Variants in ATP6V1C2 observed in about 807,000 individuals in gnomAD.
ATP6V1C2 encodes V-type proton ATPase subunit C 2.
A neutral mutation model predicts 56.8 loss-of-function variants in ATP6V1C2; 45 were observed. The ratio of observed to expected loss-of-function variants is 0.79; its 90% CI spans 0.62 to 1.02. ATP6V1C2 has a LOEUF of 1.02. Ranked by LOEUF, ATP6V1C2 falls within the 50% of genes least tolerant of loss-of-function variation. ATP6V1C2 has a pLI of 0.00. For missense variants in ATP6V1C2, 463 were observed against 519.7 expected (o/e 0.89, Z 1.06); for synonymous variants, 220 against 201.3 (o/e 1.09, Z -0.79).
chr2:10,782,139 G>C lies in ATP6V1C2; in HGVS notation c.1062-104G>C, dbSNP rs185568074. 1.0e-3 allele frequency: 1,408 copies of C among 1,350,916 alleles called. 21 individuals are homozygous for C. The highest frequency in any genetic ancestry group is 2.6e-3 in the Middle Eastern group (12 of 4,674). The allele number at this position is 1,350,916 out of a possible 1,614,324, so 83.7% of individuals were successfully genotyped here. On this transcript the variant is annotated intron_variant, in intron 12 of 13. Coordinates refer to ENST00000272238, the MANE Select transcript of ATP6V1C2 (RefSeq NM_001039362.2). ...GAGTTTGACTTTATGAAGCTGTGTTGGTTGAAGCTTTTCACCCTCGGAATG... is the reference window on the plus strand; with the variant it reads ...GAGTTTGACTTTATGAAGCTGTGTTCGTTGAAGCTTTTCACCCTCGGAATG...
chr2:10,733,159 CAG>C (rs905375553), intron 3 of ATP6V1C2, among the ~76,000 whole-genome samples: 7 of 152,078 alleles, frequency 4.6e-5, no homozygotes, highest in African/African-American at 1.7e-4. Flanking sequence ...GCCTTCCTAT[CAG>C]GGGGAAGGAA....
intron 4 of ATP6V1C2, among the ~76,000 whole-genome samples, chr2:10,754,503 G>A (rs1239593039): frequency 6.6e-6 from 1 of 152,008 alleles, no homozygotes; most frequent in Admixed American, 6.6e-5. Flanking sequence ...TGTGATTACA[G>A]GCGTGAGCTA....
intron 5 of ATP6V1C2, among the ~76,000 whole-genome samples, chr2:10,765,805 C>T (rs1664182626): frequency 1.3e-5 from 2 of 152,162 alleles, no homozygotes; most frequent in South Asian, 4.1e-4. Context: ...TTGGGATTCT[C>T]TCAGTCCCAG....
upstream of ATP6V1C2, among the ~76,000 whole-genome samples, chr2:10,721,214 G>A (rs1298078418): frequency 6.6e-6 from 1 of 152,182 alleles, no homozygotes; most frequent in African/African-American, 2.4e-5. Context: ...GAGACACCTG[G>A]GAGTAGGTGA....
chr2:10,777,162 T>A (rs1665043803), intron 10 of ATP6V1C2, among the ~76,000 whole-genome samples: 1 of 152,214 alleles, frequency 6.6e-6, no homozygotes, highest in Non-Finnish European at 1.5e-5. Context: ...GCACTCTGCA[T>A]GCCGAGGTGC....
chr2:10,766,309 C>T (rs1664217297), intron 5 of ATP6V1C2, among the ~76,000 whole-genome samples: 2 of 152,146 alleles, frequency 1.3e-5, no homozygotes, highest in South Asian at 2.1e-4. Flanking sequence ...GCTCTGCCAA[C>T]GAGAGGTCTC....
At chr2:10,758,164 C>G (rs73169975) in intron 4 of ATP6V1C2, among the ~76,000 whole-genome samples, 3,672 of 152,142 alleles carry the variant, frequency 0.024, 132 homozygotes, top group African/African-American at 0.084. Flanking sequence ...CTCCTCGGGC[C>G]CGGGACTGCA....
At chr2:10,762,562 C>T (rs988080563) in intron 4 of ATP6V1C2, among the ~76,000 whole-genome samples, 7 of 152,148 alleles carry the variant, frequency 4.6e-5, no homozygotes, top group East Asian at 1.9e-4. Context: ...GCCTTTCCTT[C>T]GTCTCACGTG....
At chr2:10,734,143 G>A (rs1052825635) in intron 3 of ATP6V1C2, among the ~76,000 whole-genome samples, 2 of 152,206 alleles carry the variant, frequency 1.3e-5, no homozygotes, top group African/African-American at 4.8e-5. Flanking sequence ...CATGCATGGT[G>A]GGTTGCTCTA....
intron 3 of ATP6V1C2, among the ~76,000 whole-genome samples, chr2:10,750,820 T>C (rs1663167025): frequency 6.6e-6 from 1 of 152,136 alleles, no homozygotes; most frequent in Non-Finnish European, 1.5e-5. Flanking sequence ...AGAGGAACCG[T>C]TGGTAGCATT....
At chr2:10,759,169 CT>C (rs775831392) in intron 4 of ATP6V1C2, among the ~76,000 whole-genome samples, 5 of 152,340 alleles carry the variant, frequency 3.3e-5, no homozygotes, top group Admixed American at 1.3e-4. Context: ...AAAGTCACTT[CT>C]GGAGTTTCCT....
chr2:10,738,253 A>G (rs1269938076), intron 3 of ATP6V1C2, among the ~76,000 whole-genome samples: 3 of 152,124 alleles, frequency 2.0e-5, no homozygotes, highest in Non-Finnish European at 1.5e-5. Context: ...GGCCCCTCAC[A>G]GGTGGCAGTA....
At chr2:10,721,360 G>A (rs1661343704), upstream of ATP6V1C2, among the ~76,000 whole-genome samples, 1 of 152,126 alleles carries the variant, frequency 6.6e-6, no homozygotes. Flanking sequence ...AGCCGTCCAC[G>A]CGTCCCGGAC....
Position 10,722,949 on chromosome 2 carries a change from A to G in ATP6V1C2, c.100A>G (p.Asn34Asp). The G allele has an allele frequency of 6.2e-7, 1 of 1,614,136 alleles. No homozygotes were observed. Among genetic ancestry groups the G allele is most frequent in the Non-Finnish European group, 8.5e-7 (1 of 1,180,016 alleles). ...TVTSKSNLSY[N>D]TKFAIPDFKV... The stretch of plus-strand genomic sequence containing the variant: ...AACCTCCAAGTCCAACCTGTCTTAT[A>G]ATACCAAATTCGCTATTCCTGACTT... The change falls in exon 2 of 14, where the codon AAT becomes GAT. Residue 34 changes from asparagine (N) to aspartate (D), a missense_variant. Coordinates refer to ENST00000272238, the MANE Select transcript of ATP6V1C2 (RefSeq NM_001039362.2).
chr2:10,727,554 TCAAA>T (rs756489420), intron 3 of ATP6V1C2, among the ~76,000 whole-genome samples: 25 of 151,088 alleles, frequency 1.7e-4, no homozygotes, highest in Admixed American at 2.6e-4. Flanking sequence ...AGACCCCATC[TCAAA>T]CAAACAAACA....
chr2:10,758,778 T>C (rs1663708370), intron 4 of ATP6V1C2, among the ~76,000 whole-genome samples: 1 of 152,040 alleles, frequency 6.6e-6, no homozygotes, highest in Non-Finnish European at 1.5e-5. Context: ...TTCTCCTGCC[T>C]CAGCCTCCCA....
intron 6 of ATP6V1C2, 89 bp from the exon 7 acceptor site, chr2:10,771,750 C>T (rs879297985): frequency 6.2e-6 from 6 of 968,542 alleles, no homozygotes; most frequent in African/African-American, 1.6e-5. Flanking sequence ...TTGAGAACTG[C>T]CCCCAGTGCC....
Position 10,752,354 on chromosome 2 carries a change from C to G in ATP6V1C2, c.198-1627C>G, listed in dbSNP as rs1038706041. Among the ~76,000 whole-genome samples the G allele has an allele frequency of 3.3e-5, 5 of 152,204 alleles. No individual in the cohort carries two copies. The South Asian group carries it at 1.0e-3, about 32-fold the overall frequency. ...TGTTGGGCCCTAGGCCTCTGGGCTC[C>G]GGTCTGAGTGGCTGGGGTGGCCAGC... On this transcript the variant is annotated intron_variant, in intron 3 of 13. Coordinates refer to ENST00000272238, the MANE Select transcript of ATP6V1C2 (RefSeq NM_001039362.2).
Position 10,758,656 on chromosome 2 carries a change from CT to C in ATP6V1C2, c.283+4603del, listed in dbSNP as rs771982046. Among the ~76,000 whole-genome samples, 396 of 145,956 alleles carry C rather than the reference CT, an allele frequency of 2.7e-3. 2 individuals carry two copies. Among genetic ancestry groups the C allele is most frequent in the African/African-American group, 4.7e-3 (187 of 39,978 alleles). On this transcript the variant is annotated intron_variant, in intron 4 of 13. Coordinates refer to ENST00000272238, the MANE Select transcript of ATP6V1C2 (RefSeq NM_001039362.2). ...GTGCTATAAACCAGGCCAGAGAGAC[CT>C]TTTTTTTTTTTTCTTTTTCTTTTTG...
Sources: gnomAD v4.1 joint callset for allele counts (sites outside exome capture counted in the v4.1 genomes callset) on GRCh38, gnomAD v4.1.1 for gene constraint, MANE v1.5 for transcripts, NCBI Gene and HGNC (gene_info 2026-07-23, HGNC 2026-07-21) for gene names.